The following PACRG variants were observed in gnomAD, a reference collection of about 807,000 sequenced individuals.
The protein encoded by PACRG is parkin coregulated gene protein.
A neutral mutation model predicts 29.7 loss-of-function variants in PACRG; 29 were observed. That is an observed-to-expected ratio of 0.98 (90% CI 0.73 to 1.33). The LOEUF is 1.33. Among genes scored for constraint, PACRG ranks in the 40% most tolerant of loss-of-function variants. PACRG has a pLI of 0.00. For synonymous variants in PACRG, 116 were observed against 118.7 expected (o/e 0.98, Z 0.15); for missense variants, 279 against 316.2 (o/e 0.88, Z 0.89).
intron 2 of PACRG, among the ~76,000 whole-genome samples, chr6:163,007,005 C>G (rs1490152713): frequency 6.6e-6 from 1 of 151,142 alleles, no homozygotes; most frequent in Non-Finnish European, 1.5e-5. Flanking sequence ...CATGTTTTTC[C>G]TTTTGTTAAA....
At chr6:163,273,196 A>G (rs1783906228) in intron 4 of PACRG, among the ~76,000 whole-genome samples, 1 of 152,154 alleles carries the variant, frequency 6.6e-6, no homozygotes, top group Non-Finnish European at 1.5e-5. Context: ...CCCGGCCTGC[A>G]TCATTCTTTT....
intron 4 of PACRG, among the ~76,000 whole-genome samples, chr6:163,142,601 A>G (rs2128334940): frequency 6.6e-6 from 1 of 152,366 alleles, no homozygotes; most frequent in Non-Finnish European, 1.5e-5. Context: ...GAATCGAAGA[A>G]GAAGGTAGGA....
At chr6:163,044,658 A>T (rs1251992952) in intron 2 of PACRG, 1 of 151,998 alleles carries the variant, frequency 6.6e-6, no homozygotes, top group Non-Finnish European at 1.5e-5. Flanking sequence ...CAAAGACCAC[A>T]CTCCTCTCTC....
intron 1 of PACRG, among the ~76,000 whole-genome samples, chr6:162,751,340 C>G (rs982322536): frequency 1.3e-5 from 2 of 151,988 alleles, no homozygotes; most frequent in Non-Finnish European, 1.5e-5. Context: ...TGCATTAATC[C>G]AAACAAATAG....
chr6:162,776,178 G>T (rs949283801), intron 1 of PACRG, among the ~76,000 whole-genome samples: 1 of 152,036 alleles, frequency 6.6e-6, no homozygotes. Context: ...TCTTTACTTC[G>T]TGACAGCAAT....
chr6:162,855,755 G>A (rs1488927773), intron 2 of PACRG, among the ~76,000 whole-genome samples: 2 of 152,132 alleles, frequency 1.3e-5, no homozygotes, highest in African/African-American at 2.4e-5. Context: ...CTTCTGGGAC[G>A]TTTAGTCATG....
At chr6:163,290,323 C>CACACACACACACAG (rs796997363) in intron 4 of PACRG, among the ~76,000 whole-genome samples, 3 of 148,788 alleles carry the variant, frequency 2.0e-5, no homozygotes, top group East Asian at 4.0e-4. Flanking sequence ...CACACACACA[C>CACACACACACACAG]AGCAATCACT....
intron 2 of PACRG, among the ~76,000 whole-genome samples, chr6:162,939,506 G>A (rs1329660619): frequency 6.6e-6 from 1 of 152,144 alleles, no homozygotes; most frequent in African/African-American, 2.4e-5. Flanking sequence ...TCAAGGGAGG[G>A]AAAAGCACAG....
chr6:163,135,077 T>C (rs1290293826), intron 4 of PACRG, among the ~76,000 whole-genome samples: 3 of 152,258 alleles, frequency 2.0e-5, no homozygotes, highest in African/African-American at 7.2e-5. Context: ...GTTGTGAATT[T>C]GATAAAGAAC....
At chr6:162,729,090 AG>A (rs1296206577) in intron 1 of PACRG, among the ~76,000 whole-genome samples, 1 of 152,208 alleles carries the variant, frequency 6.6e-6, no homozygotes, top group Non-Finnish European at 1.5e-5. Flanking sequence ...GTATCATTAG[AG>A]AAAAAAGATT....
chr6:162,959,918 C>T (rs1226733956), intron 2 of PACRG, among the ~76,000 whole-genome samples: 3 of 152,110 alleles, frequency 2.0e-5, no homozygotes, highest in African/African-American at 7.2e-5. Context: ...GAGCATAAAA[C>T]AAATAACCCC....
chr6:162,974,177 C>T (rs1801763896), intron 2 of PACRG, among the ~76,000 whole-genome samples: 1 of 152,190 alleles, frequency 6.6e-6, no homozygotes, highest in African/African-American at 2.4e-5. Flanking sequence ...AGTTTCAACA[C>T]AGCTGTCCTT....
chr6:163,298,789 G>A (rs1213063097), intron 4 of PACRG, among the ~76,000 whole-genome samples: 5 of 152,106 alleles, frequency 3.3e-5, no homozygotes, highest in East Asian at 1.9e-4. Context: ...CATCCTCTCC[G>A]GTAACAACGC....
In PACRG at chr6:163,253,451, T is replaced by G. The variant is rs1220614694; in HGVS notation, c.614-61376T>G. Among the ~76,000 whole-genome samples, 4 of 152,324 alleles carry G rather than the reference T, an allele frequency of 2.6e-5. No homozygotes were observed. In the East Asian group the frequency reaches 5.8e-4, roughly 22 times the overall value. Reference sequence around the variant, plus strand: ...TTTAAAGTTTCAGAACAAATTAAACTTTTTAAAGTTTCAGGACACATGTCT... The same window carrying G: ...TTTAAAGTTTCAGAACAAATTAAACGTTTTAAAGTTTCAGGACACATGTCT... On this transcript the variant is annotated intron_variant, in intron 4 of 4. Transcript: ENST00000366888.
chr6:163,012,863 A>C (rs2128212603), intron 2 of PACRG, among the ~76,000 whole-genome samples: 1 of 148,058 alleles, frequency 6.8e-6, no homozygotes. Flanking sequence ...GTACTCAGTA[A>C]GTGTTCATTT....
At chr6:163,135,080 T>A (rs1463674802) in intron 4 of PACRG, among the ~76,000 whole-genome samples, 3 of 152,234 alleles carry the variant, frequency 2.0e-5, no homozygotes, top group Non-Finnish European at 4.4e-5. Flanking sequence ...GTGAATTTGA[T>A]AAAGAACAGT....
At chr6:163,100,949 T>G (rs1335037566) in intron 4 of PACRG, 1 of 985,038 alleles carries the variant, frequency 1.0e-6, no homozygotes, top group Non-Finnish European at 1.2e-6. Flanking sequence ...AAGGTAAAGA[T>G]GGCAACGTAA....
At position 162,893,767 on chromosome 6, in the gene PACRG, T is replaced by A. The variant is rs116556629; in HGVS notation, c.291+79486T>A. 1.2e-3 allele frequency among the ~76,000 whole-genome samples: 178 copies of A among 152,238 alleles called. 1 individual carries two copies. The highest frequency in any genetic ancestry group is 4.0e-3 in the African/African-American group (166 of 41,556). On this transcript the variant is annotated intron_variant, in intron 2 of 4. Coordinates refer to ENST00000366888, the MANE Select transcript of PACRG (RefSeq NM_001080379.2). ...GTGCTTACCCTCACCCTGTGGGCAG[T>A]CAGATATGATGGGAATCACCCAGTT...
chr6:162,848,760 A>C (rs1790618675), intron 2 of PACRG, among the ~76,000 whole-genome samples: 1 of 152,250 alleles, frequency 6.6e-6, no homozygotes, highest in South Asian at 2.1e-4. Flanking sequence ...ATAATCACTT[A>C]CTGAGTGATC....
Sources: gnomAD v4.1 joint callset for allele counts (sites outside exome capture counted in the v4.1 genomes callset) on GRCh38, gnomAD v4.1.1 for gene constraint, MANE v1.5 for transcripts, NCBI Gene and HGNC (gene_info 2026-07-23, HGNC 2026-07-21) for gene names.